MGAT4C: variants seen among roughly 807,000 people sequenced by gnomAD.
MGAT4C encodes MGAT4 family member C.
Under a neutral mutation model 40.1 loss-of-function variants are expected in MGAT4C, and 19 were observed. The ratio of observed to expected loss-of-function variants is 0.47; its 90% CI spans 0.33 to 0.70. The LOEUF is 0.70. Among genes scored for constraint, MGAT4C ranks in the 30% least tolerant of loss-of-function variants. MGAT4C has a pLI of 0.02. For synonymous variants in MGAT4C, 181 were observed against 187.1 expected (o/e 0.97, Z 0.27); for missense variants, 491 against 563.2 (o/e 0.87, Z 1.30).
chr12:86,171,642 A>G (rs1886860866), intron 1 of MGAT4C, among the ~76,000 whole-genome samples: 1 of 152,208 alleles, frequency 6.6e-6, no homozygotes, highest in Admixed American at 6.6e-5. Flanking sequence ...TAAAATCCAG[A>G]CATTTTCCTT....
At chr12:86,070,052 T>A (rs917126250) in intron 1 of MGAT4C, among the ~76,000 whole-genome samples, 48 of 152,084 alleles carry the variant, frequency 3.2e-4, no homozygotes, top group African/African-American at 1.2e-3. Context: ...TGGTGTCCTG[T>A]GAATTATGAG....
At chr12:86,144,383 C>T (rs911516005) in intron 1 of MGAT4C, among the ~76,000 whole-genome samples, 1 of 152,086 alleles carries the variant, frequency 6.6e-6, no homozygotes, top group African/African-American at 2.4e-5. Flanking sequence ...GTTATACCCT[C>T]GAGTACAGGT....
intron 4 of MGAT4C, among the ~76,000 whole-genome samples, chr12:86,261,899 T>C (rs1391160920): frequency 6.6e-6 from 1 of 152,088 alleles, no homozygotes; most frequent in East Asian, 1.9e-4. Flanking sequence ...AAGTTCTTGT[T>C]CTTATAAGGA....
At chr12:86,065,841 G>A (rs1487899559) in intron 1 of MGAT4C, among the ~76,000 whole-genome samples, 1 of 152,130 alleles carries the variant, frequency 6.6e-6, no homozygotes, top group Non-Finnish European at 1.5e-5. Context: ...TCCTTAAGCT[G>A]ATAAGCAACT....
intron 2 of MGAT4C, among the ~76,000 whole-genome samples, chr12:86,705,222 C>CTATT (rs1184064388): frequency 9.2e-6 from 1 of 108,722 alleles, no homozygotes; most frequent in Non-Finnish European, 1.9e-5. Context: ...TTATCTCTAT[C>CTATT]TATCTATCTA....
intron 2 of MGAT4C, among the ~76,000 whole-genome samples, chr12:86,045,594 C>G (rs143307973): frequency 6.6e-6 from 1 of 152,308 alleles, no homozygotes; most frequent in African/African-American, 2.4e-5. Flanking sequence ...ATTTTTATCA[C>G]TAAATACAGC....
intron 2 of MGAT4C, among the ~76,000 whole-genome samples, chr12:86,697,525 T>G (rs1349251748): frequency 6.6e-6 from 1 of 152,000 alleles, no homozygotes; most frequent in Non-Finnish European, 1.5e-5. Flanking sequence ...TTATCCAAGG[T>G]GTTACACAAA....
chr12:86,528,238 ATGT>A (rs1297833618), intron 2 of MGAT4C, among the ~76,000 whole-genome samples: 2 of 152,170 alleles, frequency 1.3e-5, no homozygotes, highest in East Asian at 3.9e-4. Context: ...TATTGCTATG[ATGT>A]TGTGAGTGAA....
chr12:86,750,367 A>G (rs537915778), intron 1 of MGAT4C, among the ~76,000 whole-genome samples: 16 of 152,032 alleles, frequency 1.1e-4, no homozygotes, highest in African/African-American at 2.9e-4. Flanking sequence ...GAACTTGAAT[A>G]TCATTAGTCA....
chr12:85,987,159 C>T (rs950781644), intron 3 of MGAT4C, among the ~76,000 whole-genome samples: 2 of 92,236 alleles, frequency 2.2e-5, no homozygotes, highest in Non-Finnish European at 1.9e-5. Context: ...TTTTTTGAGA[C>T]GGAGTCTCGC....
intron 2 of MGAT4C, among the ~76,000 whole-genome samples, chr12:86,706,187 G>A (rs1950453531): frequency 6.6e-6 from 1 of 152,140 alleles, no homozygotes; most frequent in South Asian, 2.1e-4. Context: ...GGATTAAGAA[G>A]AAGGTAATGT....
In MGAT4C at chr12:85,965,096, A is replaced by G. The variant is rs1010840950; in HGVS notation, c.*14193T>C. On this transcript the variant is annotated 3_prime_UTR_variant, in exon 5 of 5. Coordinates refer to ENST00000611864, the MANE Select transcript of MGAT4C (RefSeq NM_001351288.2). ...GTAGGCACATTTCCTTTCCAATTAG[A>G]GTGAGGTGTTGAATATTTATTTATT... 3 of 152,052 alleles carry G rather than the reference A, an allele frequency of 2.0e-5. No homozygotes were observed. The highest frequency in any genetic ancestry group is 6.6e-5 in the Admixed American group (1 of 15,248). 9.4% of individuals were successfully genotyped at this position (152,052 alleles called of 1,614,324 possible). A position where few individuals can be genotyped will look rare whatever the true frequency, so the allele number is the denominator to read the frequency against.
At chr12:86,615,182 G>T (rs1043587983) in intron 2 of MGAT4C, among the ~76,000 whole-genome samples, 2 of 151,722 alleles carry the variant, frequency 1.3e-5, no homozygotes, top group African/African-American at 4.8e-5. Context: ...AATATACTAG[G>T]GCAATATACT....
intron 2 of MGAT4C, among the ~76,000 whole-genome samples, chr12:86,556,959 G>C (rs892532085): frequency 2.0e-5 from 3 of 151,928 alleles, no homozygotes; most frequent in Non-Finnish European, 4.4e-5. Context: ...CTATTATGTT[G>C]ATAGATAAAG....
intron 1 of MGAT4C, among the ~76,000 whole-genome samples, chr12:86,109,687 T>C (rs1179068176): frequency 1.3e-5 from 2 of 152,054 alleles, no homozygotes; most frequent in East Asian, 3.9e-4. Context: ...TTATATTGAT[T>C]CATTATTTTG....
At chr12:86,296,219 G>T (rs559461956) in intron 4 of MGAT4C, among the ~76,000 whole-genome samples, 6 of 149,660 alleles carry the variant, frequency 4.0e-5, no homozygotes, top group Admixed American at 3.3e-4. Context: ...ACAGAGTGTC[G>T]ATTGGTGCAC....
intron 2 of MGAT4C, among the ~76,000 whole-genome samples, chr12:86,472,556 A>C (rs1355828997): frequency 6.6e-6 from 1 of 152,138 alleles, no homozygotes; most frequent in African/African-American, 2.4e-5. Context: ...TCATCCATCT[A>C]TATATATTAT....
At chr12:86,838,188 C>T (rs961479964) in intron 1 of MGAT4C, among the ~76,000 whole-genome samples, 1 of 152,074 alleles carries the variant, frequency 6.6e-6, no homozygotes, top group East Asian at 1.9e-4. Context: ...TAAATACTTT[C>T]ATCATTCAAA....
Position 86,485,704 on chromosome 12 carries a change from C to T in MGAT4C, c.-228-50439G>A, listed in dbSNP as rs548272970. Among the ~76,000 whole-genome samples the T allele has an allele frequency of 8.4e-4, 128 of 151,992 alleles. 2 individuals carry two copies. The highest frequency in any genetic ancestry group is 1.7e-3 in the African/African-American group (72 of 41,480). Reference sequence around the variant, plus strand: ...CCCAATCTTTCTAGAGAAGTTGACACGCAAATTTGAGAAATACAGAGAACC... The same window carrying T: ...CCCAATCTTTCTAGAGAAGTTGACATGCAAATTTGAGAAATACAGAGAACC... On this transcript the variant is annotated intron_variant, in intron 2 of 7. Transcript: ENST00000548651.
Sources: allele counts gnomAD v4.1 joint callset (sites outside exome capture counted in the v4.1 genomes callset), GRCh38; gene constraint gnomAD v4.1.1; transcripts MANE v1.5; gene names NCBI Gene and HGNC (gene_info 2026-07-23, HGNC 2026-07-21).